S100Z: variants seen among roughly 807,000 people sequenced by gnomAD.
S100Z encodes protein S100-Z.
In S100Z, 11 loss-of-function variants were observed where a neutral mutation model predicts 8.5. The observed-to-expected ratio is 1.30, with a 90% CI of 0.82 to 2.15. The LOEUF (loss-of-function observed/expected upper bound fraction) is 2.15. Among genes scored for constraint, S100Z ranks in the 30% most tolerant of loss-of-function variants. The pLI is 0.00. For missense variants in S100Z, 126 were observed against 117.9 expected (o/e 1.07, Z -0.32); for synonymous variants, 34 against 43.8 (o/e 0.78, Z 0.89).
At chr5:76,862,287 G>A (rs1751080774) in intron 1 of S100Z, among the ~76,000 whole-genome samples, 1 of 152,136 alleles carries the variant, frequency 6.6e-6, no homozygotes, top group South Asian at 2.1e-4. Context: ...AGGAATAGCA[G>A]GGGCAGCCAG....
chr5:76,914,918 G>A (rs575446800), intron 4 of S100Z, among the ~76,000 whole-genome samples: 18 of 152,232 alleles, frequency 1.2e-4, no homozygotes, highest in Middle Eastern at 3.4e-3. Context: ...AACAAACTCC[G>A]GACCATCTTT....
At chr5:76,850,211 G>A (rs1369944063) in intron 1 of S100Z, 56 bp downstream of exon 1, 2 of 152,092 alleles carry the variant, frequency 1.3e-5, no homozygotes, top group African/African-American at 4.8e-5. Context: ...GTTGAAGTGT[G>A]AGCCTGGCAG....
rs910339284 is a variant in S100Z at position 76,887,679 on chromosome 5, C to T, written c.*2+9845C>T. 4.6e-4 allele frequency among the ~76,000 whole-genome samples: 70 copies of T among 151,994 alleles called. No homozygotes were observed. In the East Asian group the frequency reaches 0.012, roughly 27 times the overall value. On this transcript the variant is annotated intron_variant, in intron 4 of 4. Coordinates refer to ENST00000317593, the MANE Select transcript of S100Z (RefSeq NM_130772.4). ...TCCCAGAGTGCTGGGATTACAGGCA[C>T]GAGCCACTGTGCCCAGCCCAGAAGA...
chr5:76,867,596 CTT>C (rs746426436), intron 1 of S100Z, among the ~76,000 whole-genome samples: 5 of 126,750 alleles, frequency 3.9e-5, no homozygotes, highest in East Asian at 2.2e-4. Flanking sequence ...TTTTTTTTTT[CTT>C]TTTTTTTTTT....
At chr5:76,948,019 A>G in the S100Z span, among the ~76,000 whole-genome samples, 2 of 152,150 alleles carry the variant, frequency 1.3e-5, no homozygotes, top group Admixed American at 1.3e-4. Flanking sequence ...GTGGGACTAC[A>G]TCAAACCAAA....
At chr5:76,906,572 C>T (rs901209303) in intron 4 of S100Z, among the ~76,000 whole-genome samples, 1 of 151,936 alleles carries the variant, frequency 6.6e-6, no homozygotes, top group Admixed American at 6.6e-5. Flanking sequence ...ACATAATGTC[C>T]TCCAGGTTTA....
the S100Z span, among the ~76,000 whole-genome samples, chr5:76,950,213 A>G: frequency 1.3e-5 from 2 of 152,240 alleles, no homozygotes; most frequent in Non-Finnish European, 2.9e-5. Flanking sequence ...TGACGTGATA[A>G]ATAAAAGAAA....
intron 4 of S100Z, among the ~76,000 whole-genome samples, chr5:76,889,145 A>T (rs536648774): frequency 2.6e-5 from 4 of 152,290 alleles, no homozygotes; most frequent in Admixed American, 2.0e-4. Flanking sequence ...TTACCTGAGC[A>T]GGACTTCCCT....
rs70982653 is a variant in S100Z, at chr5:76,859,768, CAAA to C, written c.-176+9628_-176+9630del. ...TGCACTACAGCCAGGGCAACAGAGC[CAAA>C]AAAAAAAAAAAAAAGAAATAAGAAA... On this transcript the variant is annotated intron_variant, in intron 1 of 4. Transcript: ENST00000317593. Among the ~76,000 whole-genome samples, 381 of 97,636 alleles carry C rather than the reference CAAA, an allele frequency of 3.9e-3. 2 individuals are homozygous for C. Among genetic ancestry groups the C allele is most frequent in the African/African-American group, 0.013 (333 of 25,694 alleles). The allele number at this position is 97,636 out of a possible 152,430, so 64.1% of individuals were successfully genotyped here. A position where few individuals can be genotyped will look rare whatever the true frequency, so the allele number is the denominator to read the frequency against.
chr5:76,911,767 A>C (rs563806390), intron 4 of S100Z, among the ~76,000 whole-genome samples: 1 of 152,328 alleles, frequency 6.6e-6, no homozygotes, highest in South Asian at 2.1e-4. Flanking sequence ...TCAAATATCT[A>C]GGCCTGATCT....
chr5:76,876,500 C>CT (rs1042943564), intron 3 of S100Z, among the ~76,000 whole-genome samples: 6 of 151,890 alleles, frequency 4.0e-5, no homozygotes, highest in Admixed American at 1.3e-4. Flanking sequence ...TCCGGAGTAA[C>CT]TGGGATTACA....
intron 3 of S100Z, among the ~76,000 whole-genome samples, chr5:76,875,773 G>A (rs1361330250): frequency 6.6e-6 from 1 of 152,204 alleles, no homozygotes; most frequent in African/African-American, 2.4e-5. Flanking sequence ...GTGCGGCAAA[G>A]ATGTAGCTAA....
intron 1 of S100Z, among the ~76,000 whole-genome samples, chr5:76,863,423 C>T (rs1751123490): frequency 6.6e-6 from 1 of 152,146 alleles, no homozygotes; most frequent in Non-Finnish European, 1.5e-5. Flanking sequence ...AAAAAGGAGG[C>T]CCATTTATAT....
chr5:76,865,070 A>C (rs1356277723), intron 1 of S100Z, among the ~76,000 whole-genome samples: 2 of 152,064 alleles, frequency 1.3e-5, no homozygotes, highest in Admixed American at 1.3e-4. Context: ...GCTAACTGTA[A>C]AGCAGCCTTG....
At chr5:76,945,843 C>T in the S100Z span, among the ~76,000 whole-genome samples, 21 of 152,292 alleles carry the variant, frequency 1.4e-4, no homozygotes, top group South Asian at 8.3e-4. Context: ...CTCCTGGGCC[C>T]GCTGTTCTTT....
At chr5:76,875,774 A>T (rs1317872783) in intron 3 of S100Z, among the ~76,000 whole-genome samples, 1 of 152,200 alleles carries the variant, frequency 6.6e-6, no homozygotes, top group Non-Finnish European at 1.5e-5. Flanking sequence ...TGCGGCAAAG[A>T]TGTAGCTAAT....
At chr5:76,851,927 G>C (rs1047428032) in intron 1 of S100Z, among the ~76,000 whole-genome samples, 1 of 152,184 alleles carries the variant, frequency 6.6e-6, no homozygotes, top group African/African-American at 2.4e-5. Context: ...AGCATTCGCT[G>C]AATTTCCTGT....
At chr5:76,907,861 G>C (rs571305451) in intron 4 of S100Z, among the ~76,000 whole-genome samples, 2 of 152,220 alleles carry the variant, frequency 1.3e-5, no homozygotes, top group African/African-American at 4.8e-5. Context: ...AGGTGCAGTG[G>C]CTCACACCTA....
At chr5:76,949,684 T>C in the S100Z span, among the ~76,000 whole-genome samples, 1 of 152,234 alleles carries the variant, frequency 6.6e-6, no homozygotes, top group African/African-American at 2.4e-5. Context: ...GAGGACATTA[T>C]GCTAAGTGAA....
Sources: allele counts gnomAD v4.1 joint callset (sites outside exome capture counted in the v4.1 genomes callset), GRCh38; gene constraint gnomAD v4.1.1; transcripts MANE v1.5; gene names NCBI Gene and HGNC (gene_info 2026-07-23, HGNC 2026-07-21).